The following B3GAT1 variants were observed in gnomAD, a reference collection of about 807,000 sequenced individuals.
The protein encoded by B3GAT1 is galactosylgalactosylxylosylprotein 3-beta-glucuronosyltransferase 1.
B3GAT1 carries 11 observed loss-of-function variants against 28.4 expected under a neutral mutation model. That is an observed-to-expected ratio of 0.39 (90% confidence interval 0.24 to 0.64). The LOEUF is 0.64. Ranked by LOEUF, B3GAT1 falls within the 30% of genes least tolerant of loss-of-function variation. The probability of loss-of-function intolerance (pLI) is 0.50; values close to 1 mark genes in which losing one functional copy is unlikely to be tolerated. For synonymous variants in B3GAT1, 255 were observed against 223.1 expected, an observed-to-expected ratio of 1.14 and a Z score of -1.27; for missense variants, 375 against 491.0, an observed-to-expected ratio of 0.76 and a Z score of 2.23.
At chr11:134,401,877 TTC>T (rs1565458288) in intron 1 of B3GAT1, among the ~76,000 whole-genome samples, 12 of 151,482 alleles carry the variant, frequency 7.9e-5, no homozygotes, top group Non-Finnish European at 1.3e-4. Flanking sequence ...CAGCACATTC[TTC>T]TCTCCCCAGC....
chr11:134,407,811 T>C (rs1165557927), intron 1 of B3GAT1, among the ~76,000 whole-genome samples: 5 of 152,034 alleles, frequency 3.3e-5, no homozygotes, highest in African/African-American at 1.2e-4. Flanking sequence ...TTTGGATTAT[T>C]TGATGTTTCA....
chr11:134,386,354 G>A (rs1359594867), intron 2 of B3GAT1: 1 of 152,270 alleles, frequency 6.6e-6, no homozygotes, highest in Non-Finnish European at 1.5e-5. Flanking sequence ...GTGGTATCAT[G>A]CACGCTGCAA....
At chr11:134,399,007 A>C (rs1370618003) in intron 1 of B3GAT1, among the ~76,000 whole-genome samples, 1 of 152,082 alleles carries the variant, frequency 6.6e-6, no homozygotes, top group Non-Finnish European at 1.5e-5. Context: ...ACCAGAGCCC[A>C]CTGCTACCTG....
At chr11:134,387,317 G>A (rs1345983719) in intron 2 of B3GAT1, 2 of 548,684 alleles carry the variant, frequency 3.6e-6, no homozygotes, top group African/African-American at 3.8e-5. Context: ...TTCTTTCAAG[G>A]CAACTGTCTT....
chr11:134,397,537 G>C (rs1053042880), intron 1 of B3GAT1, among the ~76,000 whole-genome samples: 1 of 151,604 alleles, frequency 6.6e-6, no homozygotes, highest in African/African-American at 2.4e-5. Context: ...GAGCCACAGG[G>C]GGGGCCAGAG....
At chr11:134,382,673 A>T in intron 4 of B3GAT1, 37 bp downstream of exon 4, 1 of 1,592,064 alleles carries the variant, frequency 6.3e-7, no homozygotes, top group Non-Finnish European at 8.6e-7. Flanking sequence ...TACTTGAGAC[A>T]TTGCATCACA....
At chr11:134,390,087 GTTCCCC>G (rs370681506) in intron 1 of B3GAT1, 35,068 of 152,116 alleles carry the variant, frequency 0.23, 4,595 homozygotes, top group African/African-American at 0.36. Context: ...CAGGCACGTA[GTTCCCC>G]TAGTGGACAT....
rs780363345 is a variant in B3GAT1, at chr11:134,383,927, C to A, written c.374G>T (p.Arg125Leu). ...LHWLVVEDAP[R>L]RTPLTARLLR... Reference sequence around the variant, plus strand: ...CAGGCGCGCGGTCAGCGGCGTCCGGCGCGGCGCATCCTCCACCACCAGCCA... The same window carrying A: ...CAGGCGCGCGGTCAGCGGCGTCCGGAGCGGCGCATCCTCCACCACCAGCCA... The change falls in exon 3 of 6, where the codon CGC (arginine) becomes CTC (leucine). Residue 125 changes from arginine (R) to leucine (L), a missense_variant. Transcript: ENST00000312527. The A allele has an allele frequency of 5.6e-6, 9 of 1,595,950 alleles. No homozygotes were observed. Among genetic ancestry groups the A allele is most frequent in the Non-Finnish European group, 7.7e-6 (9 of 1,176,300 alleles).
intron 1 of B3GAT1, among the ~76,000 whole-genome samples, chr11:134,403,024 G>A (rs1006353657): frequency 3.3e-5 from 5 of 152,132 alleles, no homozygotes; most frequent in African/African-American, 1.2e-4. Flanking sequence ...GTGTGGGTGC[G>A]ATGATCCCGC....
At chr11:134,382,648 G>A in intron 4 of B3GAT1, 62 bp downstream of exon 4, 11 of 1,558,200 alleles carry the variant, frequency 7.1e-6, no homozygotes, top group Non-Finnish European at 8.7e-6. Flanking sequence ...CCGATCTGTA[G>A]GGAGGGTCTG....
chr11:134,393,493 C>A lies in B3GAT1; in HGVS notation c.-281-5553G>T, dbSNP rs569924172. ...TCAAAGTGATTCAAGGGCTGAGGAG[C>A]ACTTGGTGAGCAGTCTGAGTGTAGC... On this transcript the variant is annotated intron_variant, in intron 1 of 5. Coordinates refer to ENST00000312527, the MANE Select transcript of B3GAT1 (RefSeq NM_054025.3). This position sits in a 1 kb window ranked among gnomAD's most constrained non-coding sequence, Gnocchi z 4.0. Among the ~76,000 whole-genome samples the A allele has an allele frequency of 9.8e-5, 15 of 152,334 alleles. No homozygotes were observed. In the East Asian group the frequency reaches 1.4e-3, roughly 14 times the overall value.
intron 1 of B3GAT1, among the ~76,000 whole-genome samples, chr11:134,405,692 A>AT (rs768816596): frequency 1.3e-5 from 2 of 152,190 alleles, no homozygotes; most frequent in Non-Finnish European, 2.9e-5. Flanking sequence ...GCACTGGGGC[A>AT]TGCAGCCTCT....
chr11:134,388,526 A>G (rs766529533), intron 1 of B3GAT1: 15 of 155,366 alleles, frequency 9.7e-5, no homozygotes, highest in Non-Finnish European at 2.0e-4. Flanking sequence ...TATGGGTCAT[A>G]TTGCATGTGA....
chr11:134,409,048 G>A (rs1183492432), intron 1 of B3GAT1, among the ~76,000 whole-genome samples: 1 of 152,216 alleles, frequency 6.6e-6, no homozygotes, highest in African/African-American at 2.4e-5. Flanking sequence ...GGAAGCAAGG[G>A]GGTGAGGGTG....
chr11:134,404,517 C>T (rs186634528), intron 1 of B3GAT1, among the ~76,000 whole-genome samples: 2 of 152,208 alleles, frequency 1.3e-5, no homozygotes, highest in Non-Finnish European at 2.9e-5. Context: ...CAGTCAAGGA[C>T]AGCACACTCC....
intron 1 of B3GAT1, among the ~76,000 whole-genome samples, chr11:134,395,193 T>A (rs1468063054): frequency 6.7e-6 from 1 of 148,448 alleles, no homozygotes; most frequent in Non-Finnish European, 1.5e-5. Context: ...GCTGCTGCTC[T>A]CTGCTGGGGC....
rs145196826 is a variant in B3GAT1, at chr11:134,380,596, C to T, written c.*166G>A. ...TCTGGGATTTCTGTGCTTAAATTCT[C>T]TGTCCTTTGTTCTGGCATCAGGCTG... On this transcript the variant is annotated 3_prime_UTR_variant, in exon 6 of 6. Coordinates refer to ENST00000312527, the MANE Select transcript of B3GAT1 (RefSeq NM_054025.3). The T allele has an allele frequency of 6.5e-6, 1 of 152,888 alleles. No homozygotes were observed. The highest frequency in any genetic ancestry group is 6.5e-5 in the Admixed American group (1 of 15,312). The allele number at this position is 152,888 out of a possible 1,614,324, so 9.5% of individuals were successfully genotyped here. A position where few individuals can be genotyped will look rare whatever the true frequency, so the allele number is the denominator to read the frequency against.
intron 1 of B3GAT1, among the ~76,000 whole-genome samples, chr11:134,395,166 G>A (rs940236484): frequency 1.3e-5 from 2 of 152,078 alleles, no homozygotes; most frequent in Non-Finnish European, 2.9e-5. Flanking sequence ...GGGCTTCACC[G>A]TGTGACGACA....
chr11:134,394,494 C>A (rs544781742), intron 1 of B3GAT1, among the ~76,000 whole-genome samples: 10 of 152,234 alleles, frequency 6.6e-5, no homozygotes, highest in African/African-American at 2.2e-4. Flanking sequence ...ACCCACTGGG[C>A]AACCCTGCTC....
Sources: allele counts gnomAD v4.1 joint callset (sites outside exome capture counted in the v4.1 genomes callset), GRCh38; gene constraint gnomAD v4.1.1; non-coding constraint Gnocchi (gnomAD v3.1); transcripts MANE v1.5; gene names NCBI Gene and HGNC (gene_info 2026-07-23, HGNC 2026-07-21).